The following SREBF1 variants were observed in gnomAD, a reference collection of about 807,000 sequenced individuals.
The protein encoded by SREBF1 is sterol regulatory element binding transcription factor 1.
A neutral mutation model predicts 100.1 loss-of-function variants in SREBF1; 45 were observed. The ratio of observed to expected loss-of-function variants is 0.45; its 90% CI spans 0.35 to 0.58. The LOEUF (loss-of-function observed/expected upper bound fraction) is 0.58. SREBF1 is among the 20% of genes least tolerant of loss of function. The probability of loss-of-function intolerance (pLI) is 0.00; values close to 1 mark genes in which losing one functional copy is unlikely to be tolerated. For missense variants in SREBF1, 1,324 were observed against 1,539.4 expected (o/e 0.86, Z 2.34); for synonymous variants, 657 against 681.8 (o/e 0.96, Z 0.57).
chr17:17,812,992 C>G, intron 18 of SREBF1, 141 bp from the exon 19 acceptor site: 2 of 726,506 alleles, frequency 2.8e-6, no homozygotes, highest in Non-Finnish European at 4.4e-6. Flanking sequence ...GTTCCCCTCT[C>G]CCCACCCTAG....
rs375703363 is a variant in SREBF1, at chr17:17,815,283, T to C, written c.2430A>G (p.Leu810=). 1 of 1,613,542 alleles carries C rather than the reference T, an allele frequency of 6.2e-7. No individual in the cohort carries two copies. Among genetic ancestry groups the C allele is most frequent in the Non-Finnish European group, 8.5e-7 (1 of 1,179,986 alleles). Reference sequence around the variant, plus strand: ...GGGTCACACAGTTCAGTGCTCGCTCTAAGAGATGTTCCCGGAATAGCTGAG... The same window carrying C: ...GGGTCACACAGTTCAGTGCTCGCTCCAAGAGATGTTCCCGGAATAGCTGAG... ...QVTQLFREHL[L]ERALNCVTQP... is the part of the protein sequence containing the mutation. Residue 810 remains leucine (L), a synonymous_variant, in exon 13 of 19, where the codon TTA becomes TTG. Transcript: ENST00000261646.
chr17:17,830,517 A>G (rs2034793767), intron 1 of SREBF1, among the ~76,000 whole-genome samples: 1 of 152,270 alleles, frequency 6.6e-6, no homozygotes, highest in Non-Finnish European at 1.5e-5. Context: ...CTGCTTGTTA[A>G]GACCCCTGAT....
At chr17:17,816,881 G>A (rs2033649143) in intron 9 of SREBF1, 77 bp downstream of exon 9, 2 of 1,603,854 alleles carry the variant, frequency 1.2e-6, no homozygotes, top group Middle Eastern at 1.7e-4. Context: ...ACAGGGAGCA[G>A]GAACAAGGGT....
intron 1 of SREBF1, among the ~76,000 whole-genome samples, chr17:17,829,010 T>C (rs1427773386): frequency 2.0e-5 from 3 of 151,608 alleles, no homozygotes; most frequent in African/African-American, 7.3e-5. Context: ...CTGGCCAACA[T>C]GGTGAAATCC....
At chr17:17,829,204 A>AT (rs2034684505) in intron 1 of SREBF1, among the ~76,000 whole-genome samples, 7 of 39,812 alleles carry the variant, frequency 1.8e-4, no homozygotes, top group Middle Eastern at 0.012. Flanking sequence ...AAAAAAAAAA[A>AT]AATATATATA....
In SREBF1 at chr17:17,816,505, G is replaced by C. The variant is rs750206827; in HGVS notation, c.1999C>G (p.Arg667Gly). 8.7e-6 allele frequency: 14 copies of C among 1,603,324 alleles called. 1 individual carries two copies. In the Middle Eastern group the frequency reaches 6.6e-4, roughly 76 times the overall value. ...ALRVDASASA[R>G]DAALVYHKLH... ...TTATGGTAGACCAGGGCTGCGTCTCGGGCGCTGGCGCTAGCATCCACTCGC... is the reference window on the plus strand; with the variant it reads ...TTATGGTAGACCAGGGCTGCGTCTCCGGCGCTGGCGCTAGCATCCACTCGC... The change falls in exon 10 of 19, where the codon CGA (arginine) becomes GGA (glycine). Residue 667 changes from arginine (R) to glycine (G), a missense_variant. By Grantham distance (125) the Arg-to-Gly change is moderately radical. Transcript: ENST00000261646.
intron 1 of SREBF1, among the ~76,000 whole-genome samples, chr17:17,833,895 T>C (rs958113547): frequency 5.9e-5 from 9 of 152,050 alleles, no homozygotes; most frequent in African/African-American, 2.2e-4. Flanking sequence ...CTCTTGAACC[T>C]GAGAGGCAGA....
Position 17,816,224 on chromosome 17 carries a change from C to T in SREBF1, c.2197G>A (p.Ala733Thr). 2 of 1,601,322 alleles carry T rather than the reference C, an allele frequency of 1.2e-6. No homozygotes were observed. The highest frequency in any genetic ancestry group is 1.1e-5 in the South Asian group (1 of 89,178). ...ALRVKTSLPR[A>T]LHFLTRFFLS... ...CCACTCACTGTCAGAAAATGCAAGGCCCGTGGGAGACTGGTCTTCACTCTC... is the reference window on the plus strand; with the variant it reads ...CCACTCACTGTCAGAAAATGCAAGGTCCGTGGGAGACTGGTCTTCACTCTC... The change falls in exon 11 of 19, where the codon GCC becomes ACC. Residue 733 changes from alanine to threonine, a missense_variant. Ala to Thr is a moderately conservative substitution (Grantham distance 58). Coordinates refer to ENST00000261646, the MANE Select transcript of SREBF1 (RefSeq NM_004176.5).
chr17:17,821,176 T>C (rs61329156), intron 1 of SREBF1, among the ~76,000 whole-genome samples: 25 of 93,378 alleles, frequency 2.7e-4, no homozygotes, highest in South Asian at 2.4e-3. Flanking sequence ...CACACACACA[T>C]ACACACTGCA....
At position 17,812,445 on chromosome 17, in the gene SREBF1, G is replaced by A; in HGVS notation, c.*177C>T. Reference sequence around the variant, plus strand: ...GCACCATCATGGCCGCCGGTCTTAGGGTCAAGATCGCGCCCCTCGGGCCTT... The same window carrying A: ...GCACCATCATGGCCGCCGGTCTTAGAGTCAAGATCGCGCCCCTCGGGCCTT... On this transcript the variant is annotated 3_prime_UTR_variant, in exon 19 of 19. Coordinates refer to ENST00000261646, the MANE Select transcript of SREBF1 (RefSeq NM_004176.5). 5 of 691,136 alleles carry A rather than the reference G, an allele frequency of 7.2e-6. No homozygotes were observed. Among genetic ancestry groups the A allele is most frequent in the Non-Finnish European group, 9.7e-6 (4 of 413,378 alleles). 42.8% of individuals were successfully genotyped at this position (691,136 alleles called of 1,614,324 possible).
intron 2 of SREBF1, 77 bp from the exon 3 acceptor site, chr17:17,819,802 C>T: frequency 6.7e-7 from 1 of 1,487,012 alleles, no homozygotes; most frequent in Non-Finnish European, 8.9e-7. Flanking sequence ...GTCTCTATCA[C>T]CGACTGGCCT....
At chr17:17,818,396 G>A (rs1328611805) in intron 5 of SREBF1, 22 bp from the exon 6 acceptor site, 1 of 1,588,492 alleles carries the variant, frequency 6.3e-7, no homozygotes, top group Admixed American at 1.7e-5. Flanking sequence ...GGGAGGGAGG[G>A]GGAGCGCACA....
chr17:17,828,048 G>T (rs772671105), intron 1 of SREBF1, among the ~76,000 whole-genome samples: 1 of 152,190 alleles, frequency 6.6e-6, no homozygotes, highest in African/African-American at 2.4e-5. Context: ...AACCAGCTGT[G>T]ACCCCAGCCT....
At chr17:17,819,970 G>A (rs1352610509) in intron 2 of SREBF1, 120 bp downstream of exon 2, 10 of 1,237,846 alleles carry the variant, frequency 8.1e-6, no homozygotes, top group East Asian at 7.7e-5. Flanking sequence ...TCAAGCAGCC[G>A]AGTGGAGCCC....
intron 2 of SREBF1, 152 bp downstream of exon 2, chr17:17,819,938 G>A (rs1251897869): frequency 8.8e-7 from 1 of 1,141,390 alleles, no homozygotes. Flanking sequence ...AAGCACACCA[G>A]GACTGCTAGT....
At chr17:17,822,485 G>A (rs1194978955) in intron 1 of SREBF1, among the ~76,000 whole-genome samples, 1 of 152,216 alleles carries the variant, frequency 6.6e-6, no homozygotes, top group Non-Finnish European at 1.5e-5. Flanking sequence ...CATACAGACT[G>A]GGACACACTC....
At chr17:17,829,205 A>AAAAATATATATATATATAT (rs1210718799) in intron 1 of SREBF1, among the ~76,000 whole-genome samples, 2 of 65,850 alleles carry the variant, frequency 3.0e-5, no homozygotes, top group African/African-American at 1.8e-4. Context: ...AAAAAAAAAA[A>AAAAATATATATATATATAT]ATATATATAT....
At chr17:17,815,443 G>C in intron 12 of SREBF1, 114 bp from the exon 13 acceptor site, 1 of 827,802 alleles carries the variant, frequency 1.2e-6, no homozygotes, top group South Asian at 1.5e-5. Flanking sequence ...GGGAAGTGCC[G>C]GCATGCCCCT....
In SREBF1 at chr17:17,812,223, GGAGA is replaced by G. The variant is rs958272112; in HGVS notation, c.*395_*398del. The G allele has an allele frequency of 7.6e-6, 3 of 397,186 alleles. No homozygotes were observed. Among genetic ancestry groups the G allele is most frequent in the African/African-American group, 4.2e-5 (2 of 47,352 alleles). The allele number at this position is 397,186 out of a possible 1,614,324, so 24.6% of individuals were successfully genotyped here. A position where few individuals can be genotyped will look rare whatever the true frequency, so the allele number is the denominator to read the frequency against. ...TATGTACACGTCTCTCTCCCACGAC[GGAGA>G]GAGAGGCCTCTGGGGCAGAGCCCTG... On this transcript the variant is annotated 3_prime_UTR_variant, in exon 19 of 19. Coordinates refer to ENST00000261646, the MANE Select transcript of SREBF1 (RefSeq NM_004176.5).
Sources: gnomAD v4.1 joint callset for allele counts (sites outside exome capture counted in the v4.1 genomes callset) on GRCh38, gnomAD v4.1.1 for gene constraint, MANE v1.5 for transcripts, NCBI Gene and HGNC (gene_info 2026-07-23, HGNC 2026-07-21) for gene names.